HIVEP1: variants seen among roughly 807,000 people sequenced by gnomAD.
HIVEP1 encodes the protein zinc finger protein 40.
A neutral mutation model predicts 180.0 loss-of-function variants in HIVEP1; 36 were observed. The ratio of observed to expected loss-of-function variants is 0.20; its 90% CI spans 0.15 to 0.26. HIVEP1 has a LOEUF of 0.26. Among genes scored for constraint, HIVEP1 ranks in the 10% least tolerant of loss-of-function variants. HIVEP1 has a pLI of 1.00. For missense variants in HIVEP1, 3,143 were observed against 3,268.7 expected (o/e 0.96, Z 0.94); for synonymous variants, 1,239 against 1,239.0 (o/e 1.00, Z 0.00).
intron 8 of HIVEP1, among the ~76,000 whole-genome samples, chr6:12,162,697 C>G (rs949771353): frequency 1.3e-5 from 2 of 152,220 alleles, no homozygotes; most frequent in Non-Finnish European, 2.9e-5. Flanking sequence ...GTAAGCGTCT[C>G]TATCCCAAAA....
intron 3 of HIVEP1, among the ~76,000 whole-genome samples, chr6:12,108,886 G>C (rs937377194): frequency 3.9e-5 from 6 of 152,262 alleles, no homozygotes; most frequent in Non-Finnish European, 8.8e-5. Context: ...CAAAGTGGGA[G>C]CCCAGGCAGA....
At position 12,120,255 on chromosome 6, in the gene HIVEP1, G is replaced by T. The variant is rs754071398; in HGVS notation, c.460G>T (p.Ala154Ser). The change falls in exon 4 of 9, where the codon GCC becomes TCC. Residue 154 changes from alanine (A) to serine (S), a missense_variant. Physicochemically the swap from Ala to Ser is moderately conservative, Grantham distance 99. Transcript: ENST00000379388. ...ATGGAGATCCGAAGGCGCTGATCCTGCCAAATTCAGTGACCTCGATGAACA... is the reference window on the plus strand; with the variant it reads ...ATGGAGATCCGAAGGCGCTGATCCTTCCAAATTCAGTGACCTCGATGAACA... ...RRWRSEGADP[A>S]KFSDLDEQCD... 3.1e-6 allele frequency: 5 copies of T among 1,614,050 alleles called. No individual in the cohort carries two copies. The African/African-American group carries it at 4.0e-5, about 13-fold the overall frequency.
intron 3 of HIVEP1, among the ~76,000 whole-genome samples, chr6:12,101,609 A>C (rs1774117275): frequency 6.6e-6 from 1 of 152,014 alleles, no homozygotes; most frequent in African/African-American, 2.4e-5. Context: ...ATAAATGAAA[A>C]AATTATTAAA....
intron 2 of HIVEP1, among the ~76,000 whole-genome samples, chr6:12,074,399 G>A (rs538571512): frequency 1.3e-5 from 2 of 152,272 alleles, no homozygotes; most frequent in East Asian, 3.9e-4. Flanking sequence ...GTGTGTACTA[G>A]TAAGAGCTAT....
At chr6:12,150,980 G>A (rs1759669103) in intron 7 of HIVEP1, among the ~76,000 whole-genome samples, 1 of 152,114 alleles carries the variant, frequency 6.6e-6, no homozygotes, top group Non-Finnish European at 1.5e-5. Flanking sequence ...TTCTCTCAGG[G>A]AGCCCCTCCT....
intron 2 of HIVEP1, among the ~76,000 whole-genome samples, chr6:12,037,019 T>G (rs1339721933): frequency 6.6e-6 from 1 of 152,194 alleles, no homozygotes; most frequent in Non-Finnish European, 1.5e-5. Context: ...GGAGGCTGGC[T>G]GAATGGAGGC....
In HIVEP1 at chr6:12,164,995, C is replaced by T. The variant is rs150877794; in HGVS notation, c.*534C>T. ...GTTTCAGTAAAATATTGTTTACTGA[C>T]TTTACCATTGCTTCAGTTGTGCCTT... On this transcript the variant is annotated 3_prime_UTR_variant, in exon 9 of 9. Transcript: ENST00000379388. The T allele has an allele frequency of 1.4e-4, 52 of 374,612 alleles. No individual in the cohort carries two copies. The East Asian group carries it at 3.5e-3, about 25-fold the overall frequency. The allele number at this position is 374,612 out of a possible 1,614,324, so 23.2% of individuals were successfully genotyped here. A position where few individuals can be genotyped will look rare whatever the true frequency, so the allele number is the denominator to read the frequency against.
At chr6:12,200,568 A>C in the HIVEP1 span, among the ~76,000 whole-genome samples, 1 of 152,200 alleles carries the variant, frequency 6.6e-6, no homozygotes, top group African/African-American at 2.4e-5. Flanking sequence ...CAGGCTTTGA[A>C]AAAGCCTAGA....
chr6:12,201,575 T>A, the HIVEP1 span, among the ~76,000 whole-genome samples: 4 of 152,324 alleles, frequency 2.6e-5, no homozygotes, highest in East Asian at 7.7e-4. Flanking sequence ...GATGAATTAA[T>A]TTGGATTCCA....
At chr6:12,179,682 C>A in the HIVEP1 span, among the ~76,000 whole-genome samples, 3 of 152,144 alleles carry the variant, frequency 2.0e-5, no homozygotes, top group African/African-American at 7.2e-5. Context: ...AGGTGAGTAT[C>A]ACTTACAAGT....
At chr6:12,103,557 C>T (rs1201602226) in intron 3 of HIVEP1, among the ~76,000 whole-genome samples, 2 of 151,182 alleles carry the variant, frequency 1.3e-5, no homozygotes, top group East Asian at 1.9e-4. Context: ...CACATGGAGA[C>T]TTACTATTTT....
At chr6:12,010,320 T>A (rs1412707208), upstream of HIVEP1, among the ~76,000 whole-genome samples, 4 of 152,256 alleles carry the variant, frequency 2.6e-5, no homozygotes, top group Non-Finnish European at 5.9e-5. Flanking sequence ...TTTCTCCCTT[T>A]ACATGATATT....
chr6:12,093,410 A>G (rs1398234433), intron 3 of HIVEP1, among the ~76,000 whole-genome samples: 1 of 149,350 alleles, frequency 6.7e-6, no homozygotes, highest in Admixed American at 6.6e-5. Context: ...TTTGTGATTC[A>G]TTTTTTTGTA....
intron 3 of HIVEP1, among the ~76,000 whole-genome samples, chr6:12,109,134 C>G (rs901548864): frequency 2.7e-5 from 4 of 150,184 alleles, no homozygotes; most frequent in African/African-American, 9.8e-5. Context: ...CGCCTGCCAC[C>G]ACGCCCGGCT....
At chr6:12,199,144 C>T in the HIVEP1 span, among the ~76,000 whole-genome samples, 1 of 152,308 alleles carries the variant, frequency 6.6e-6, no homozygotes, top group Non-Finnish European at 1.5e-5. Flanking sequence ...ACCATAATTG[C>T]TTATTTGTTC....
In HIVEP1 at chr6:12,121,848, A is replaced by G; in HGVS notation, c.2053A>G (p.Thr685Ala). Reference protein sequence around the residue: ...YFSRSESADQTVSPPTPFARR... With the variant: ...YFSRSESADQAVSPPTPFARR... The stretch of plus-strand genomic sequence containing the variant: ...TTCACGTTCTGAAAGTGCCGATCAA[A>G]CAGTGAGTCCACCAACTCCCTTTGC... Residue 685 changes from threonine to alanine, a missense_variant, in exon 4 of 9, where the codon ACA becomes GCA. Thr to Ala is a moderately conservative substitution (Grantham distance 58). Coordinates refer to ENST00000379388, the MANE Select transcript of HIVEP1 (RefSeq NM_002114.4). This position sits in a 1 kb window ranked among gnomAD's most constrained non-coding sequence, Gnocchi z 5.3. 2 of 1,614,202 alleles carry G rather than the reference A, an allele frequency of 1.2e-6. No individual in the cohort carries two copies. Among genetic ancestry groups the G allele is most frequent in the Non-Finnish European group, 1.7e-6 (2 of 1,180,032 alleles).
chr6:12,147,633 A>G (rs1759455130), intron 7 of HIVEP1, among the ~76,000 whole-genome samples: 1 of 152,198 alleles, frequency 6.6e-6, no homozygotes, highest in South Asian at 2.1e-4. Flanking sequence ...ATTCAGCAAC[A>G]ATAATACTAA....
intron 2 of HIVEP1, among the ~76,000 whole-genome samples, chr6:12,060,609 A>G (rs1450730878): frequency 6.6e-6 from 1 of 152,234 alleles, no homozygotes; most frequent in Non-Finnish European, 1.5e-5. Context: ...GATAGTTAAT[A>G]TCTTAAAGGA....
chr6:12,125,617 A>T lies in HIVEP1; in HGVS notation c.5822A>T (p.Asn1941Ile). 1 of 1,614,152 alleles carries T rather than the reference A, an allele frequency of 6.2e-7. No homozygotes were observed. Among genetic ancestry groups the T allele is most frequent in the East Asian group, 2.2e-5 (1 of 44,884 alleles). The change falls in exon 4 of 9, where the codon AAC (asparagine) becomes ATC (isoleucine). Residue 1941 changes from asparagine (N) to isoleucine (I), a missense_variant. Coordinates refer to ENST00000379388, the MANE Select transcript of HIVEP1 (RefSeq NM_002114.4). ...LAFPSLKTTT[N>I]FTWCYLLRQK... ...TTCCCTAGCCTGAAAACTACAACCA[A>T]CTTTACATGGTGTTATCTCTTAAGG...
Sources: allele counts gnomAD v4.1 joint callset (sites outside exome capture counted in the v4.1 genomes callset), GRCh38; gene constraint gnomAD v4.1.1; non-coding constraint Gnocchi (gnomAD v3.1); transcripts MANE v1.5; gene names NCBI Gene and HGNC (gene_info 2026-07-23, HGNC 2026-07-21).